PRTFDC1: variants seen among roughly 807,000 people sequenced by gnomAD.
PRTFDC1 encodes the protein phosphoribosyltransferase domain-containing protein 1.
A neutral mutation model predicts 34.6 loss-of-function variants in PRTFDC1; 38 were observed. That is an observed-to-expected ratio of 1.10 (90% CI 0.85 to 1.44). PRTFDC1 has a LOEUF of 1.44. PRTFDC1 is among the 40% of genes most tolerant of loss of function. PRTFDC1 has a pLI of 0.00. For synonymous variants in PRTFDC1, 93 were observed against 98.1 expected, an observed-to-expected ratio of 0.95 and a Z score of 0.31; for missense variants, 270 against 283.0, an observed-to-expected ratio of 0.95 and a Z score of 0.33.
intron 3 of PRTFDC1, among the ~76,000 whole-genome samples, chr10:24,906,228 C>T (rs1365282687): frequency 1.3e-5 from 2 of 152,160 alleles, no homozygotes; most frequent in East Asian, 1.9e-4. Context: ...CTCCCCATCT[C>T]CTCTTGGCTG....
intron 2 of PRTFDC1, among the ~76,000 whole-genome samples, chr10:24,938,364 C>T (rs897238086): frequency 2.6e-5 from 4 of 152,160 alleles, no homozygotes; most frequent in African/African-American, 9.7e-5. Context: ...CAACCAAAGG[C>T]ATACAACAAA....
chr10:24,881,637 T>C (rs1349343032), intron 3 of PRTFDC1, among the ~76,000 whole-genome samples: 2 of 152,192 alleles, frequency 1.3e-5, no homozygotes, highest in African/African-American at 4.8e-5. Context: ...CTTGTGGGAA[T>C]TTAATAAAGA....
chr10:24,937,997 G>A (rs1849082481), intron 2 of PRTFDC1, among the ~76,000 whole-genome samples: 1 of 152,046 alleles, frequency 6.6e-6, no homozygotes, highest in South Asian at 2.1e-4. Flanking sequence ...AATCCAAGAT[G>A]GGCAGATCAC....
chr10:24,876,088 T>C (rs1847958649), intron 3 of PRTFDC1, among the ~76,000 whole-genome samples: 1 of 152,112 alleles, frequency 6.6e-6, no homozygotes, highest in South Asian at 2.1e-4. Context: ...TTTTTAAAAA[T>C]TGCCTTGAGG....
At chr10:24,887,418 C>T (rs952181455) in intron 3 of PRTFDC1, among the ~76,000 whole-genome samples, 1 of 152,130 alleles carries the variant, frequency 6.6e-6, no homozygotes, top group Non-Finnish European at 1.5e-5. Flanking sequence ...CCATGTTGTT[C>T]TCATCATAGT....
At chr10:24,856,502 T>G (rs968231884) in intron 6 of PRTFDC1, among the ~76,000 whole-genome samples, 12 of 152,084 alleles carry the variant, frequency 7.9e-5, no homozygotes, top group Non-Finnish European at 1.0e-4. Flanking sequence ...GCATCAGAAT[T>G]GTTTGAACCC....
chr10:24,908,622 A>G lies in PRTFDC1; in HGVS notation c.339+28562T>C, dbSNP rs749204193. ...TGCAGGGGAGCACAGCTACTCATAT[A>G]CCCTTGACTGAAGGCCAGTCCTCCT... On this transcript the variant is annotated intron_variant, in intron 3 of 8. Transcript: ENST00000320152. 2.3e-5 allele frequency: 37 copies of G among 1,612,278 alleles called. No individual in the cohort carries two copies. The Admixed American group carries it at 6.0e-4, about 26-fold the overall frequency.
At chr10:24,895,511 A>G (rs1231530403) in intron 3 of PRTFDC1, among the ~76,000 whole-genome samples, 1 of 150,822 alleles carries the variant, frequency 6.6e-6, no homozygotes. Context: ...TTGGCCTCCC[A>G]AAGTGCTGAG....
chr10:24,951,650 A>G, intron 1 of PRTFDC1: 1 of 974,662 alleles, frequency 1.0e-6, no homozygotes, highest in Non-Finnish European at 1.2e-6. Flanking sequence ...CATCCTCACC[A>G]CCATTGAGTT....
intron 7 of PRTFDC1, among the ~76,000 whole-genome samples, chr10:24,853,471 G>T (rs1847525068): frequency 1.3e-5 from 2 of 152,054 alleles, no homozygotes; most frequent in Admixed American, 1.3e-4. Flanking sequence ...AATTAGCCAG[G>T]TGTGGTGGTA....
chr10:24,900,918 C>G (rs769639091), intron 3 of PRTFDC1, among the ~76,000 whole-genome samples: 1 of 152,154 alleles, frequency 6.6e-6, no homozygotes, highest in African/African-American at 2.4e-5. Context: ...CGAAAGGAGA[C>G]TATTTTGTGG....
chr10:24,914,045 C>T (rs556783113), intron 3 of PRTFDC1, among the ~76,000 whole-genome samples: 33 of 152,328 alleles, frequency 2.2e-4, no homozygotes, highest in African/African-American at 7.9e-4. Context: ...CCAAAACTAA[C>T]ACTGCCCTAT....
chr10:24,900,405 A>G (rs923364392), intron 3 of PRTFDC1, among the ~76,000 whole-genome samples: 3 of 152,210 alleles, frequency 2.0e-5, no homozygotes, highest in African/African-American at 7.2e-5. Context: ...TCTGTGGGTG[A>G]TATTTTACCC....
intron 3 of PRTFDC1, among the ~76,000 whole-genome samples, chr10:24,911,828 C>A (rs1487788484): frequency 6.6e-6 from 1 of 150,656 alleles, no homozygotes; most frequent in South Asian, 2.1e-4. Flanking sequence ...GATCACGTCA[C>A]CGCACTCCAG....
At chr10:24,855,385 C>T (rs1243035307) in intron 6 of PRTFDC1, 21 bp from the exon 7 acceptor site, 2 of 1,613,562 alleles carry the variant, frequency 1.2e-6, no homozygotes, top group Non-Finnish European at 1.7e-6. Flanking sequence ...AAAAGACATG[C>T]TTTAGTGAAC....
chr10:24,857,512 G>A (rs1380043436), intron 5 of PRTFDC1, among the ~76,000 whole-genome samples: 1 of 152,206 alleles, frequency 6.6e-6, no homozygotes, highest in African/African-American at 2.4e-5. Flanking sequence ...CGGCTGCAGT[G>A]AGCTCGGGCT....
At chr10:24,888,942 C>A (rs902121157) in intron 3 of PRTFDC1, among the ~76,000 whole-genome samples, 9 of 152,112 alleles carry the variant, frequency 5.9e-5, no homozygotes, top group Non-Finnish European at 1.2e-4. Context: ...GTGGCAAACT[C>A]ATTTGATTTC....
chr10:24,940,721 C>T (rs1293208994), intron 2 of PRTFDC1, among the ~76,000 whole-genome samples: 1 of 152,198 alleles, frequency 6.6e-6, no homozygotes, highest in East Asian at 1.9e-4. Context: ...GATATGTCCA[C>T]ACAAAACTTA....
intron 3 of PRTFDC1, among the ~76,000 whole-genome samples, chr10:24,934,164 A>G (rs1849011438): frequency 3.3e-5 from 5 of 152,088 alleles, no homozygotes; most frequent in Admixed American, 3.3e-4. Flanking sequence ...CAGCTGATGA[A>G]TGGAGTAACA....
Sources: allele counts gnomAD v4.1 joint callset (sites outside exome capture counted in the v4.1 genomes callset), GRCh38; gene constraint gnomAD v4.1.1; transcripts MANE v1.5; gene names NCBI Gene and HGNC (gene_info 2026-07-23, HGNC 2026-07-21).